PHLDA1: variants seen among roughly 807,000 people sequenced by gnomAD.
PHLDA1 encodes pleckstrin homology like domain family A member 1.
In PHLDA1, 28 loss-of-function variants were observed where a neutral mutation model predicts 33.8. The ratio of observed to expected loss-of-function variants is 0.83; its 90% CI spans 0.61 to 1.14. The LOEUF is 1.14. PHLDA1 is among the 50% of genes most tolerant of loss of function. The probability of loss-of-function intolerance (pLI) is 0.00; values close to 1 mark genes in which losing one functional copy is unlikely to be tolerated. For missense variants in PHLDA1, 595 were observed against 548.6 expected, an observed-to-expected ratio of 1.08 and a Z score of -0.84; for synonymous variants, 271 against 243.6, an observed-to-expected ratio of 1.11 and a Z score of -1.05.
At chr12:76,030,554 G>T (rs749832537) in exon 1 of PHLDA1, 2 of 1,613,876 alleles carry the variant, frequency 1.2e-6, no homozygotes, top group East Asian at 2.2e-5. Flanking sequence ...AGTTGGAGGT[G>T]CTGCGGAGAA....
At chr12:76,027,168 G>T (rs892019644) in exon 2 of PHLDA1, 1 of 152,042 alleles carries the variant, frequency 6.6e-6, no homozygotes, top group Non-Finnish European at 1.5e-5. Context: ...GATTTGTCAG[G>T]CTTCAAAATA....
exon 2 of PHLDA1, chr12:76,027,319 T>A (rs1209694302): frequency 6.6e-6 from 1 of 152,130 alleles, no homozygotes; most frequent in Non-Finnish European, 1.5e-5. Flanking sequence ...AATAATAATT[T>A]CAAAGGTGTC....
chr12:76,030,842 C>G, exon 1 of PHLDA1: 2 of 1,593,002 alleles, frequency 1.3e-6, no homozygotes, highest in African/African-American at 2.7e-5. Context: ...GGACCAGGTG[C>G]TGCTGCTTCT....
At chr12:76,026,579 T>C (rs1245566972) in exon 2 of PHLDA1, 2 of 151,956 alleles carry the variant, frequency 1.3e-5, no homozygotes, top group Non-Finnish European at 2.9e-5. Flanking sequence ...GAAACTCCTT[T>C]AAGTAATGCG....
At chr12:76,026,755 C>G (rs1870782880) in exon 2 of PHLDA1, 1 of 152,196 alleles carries the variant, frequency 6.6e-6, no homozygotes, top group Non-Finnish European at 1.5e-5. Context: ...TCTTTGACGT[C>G]AGCACTCCCC....
chr12:76,026,172 A>C (rs1870770850), exon 2 of PHLDA1: 1 of 152,178 alleles, frequency 6.6e-6, no homozygotes, highest in Admixed American at 6.5e-5. Context: ...TTTAAAATTT[A>C]CTCTGCCGAG....
chr12:76,026,839 C>A (rs1870784279), exon 2 of PHLDA1: 1 of 152,198 alleles, frequency 6.6e-6, no homozygotes, highest in Admixed American at 6.5e-5. Context: ...GATGTTTAGC[C>A]TGTCCCAGAA....
rs769404776 is a variant in PHLDA1, at chr12:76,031,100, T to G, written c.642A>C (p.Gln214His). ...GGCTGGCGACAGCGGGGCCACTGGG[T>G]TGGGACGGCTCGGCCGGCCCCTGCC... Residue 214 changes from glutamine to histidine, a missense_variant, in exon 1 of 2, where the codon CAA becomes CAC. By Grantham distance (24) the Gln-to-His change is conservative. Coordinates refer to ENST00000266671, the Ensembl canonical transcript of PHLDA1. This position sits in a 1 kb window ranked among gnomAD's most constrained non-coding sequence, Gnocchi z 5.4. The G allele has an allele frequency of 1.2e-6, 2 of 1,609,912 alleles. No individual in the cohort carries two copies. Among genetic ancestry groups the G allele is most frequent in the African/African-American group, 2.7e-5 (2 of 75,008 alleles).
exon 1 of PHLDA1, chr12:76,030,781 G>GTTGTGA: frequency 6.9e-7 from 1 of 1,451,492 alleles, no homozygotes; most frequent in Non-Finnish European, 9.5e-7. Context: ...TGAGGCTGGG[G>GTTGTGA]TTGGGGCTGG....
exon 2 of PHLDA1, chr12:76,029,500 T>C (rs1249539099): frequency 6.6e-6 from 1 of 152,274 alleles, no homozygotes; most frequent in East Asian, 1.9e-4. Context: ...TTTTAACTTT[T>C]AGCTTTTTAA....
chr12:76,031,160 C>CTGCTGCTGT lies in PHLDA1; in HGVS notation c.581_582insACAGCAGCA (p.Gln202_Gln204dup), dbSNP rs753488277. ...GTTGCTGCTGCTGCTGCTGCTGTTGCTGCTGCTGCTGCTGGTGTTGCAGCT... is the reference window on the plus strand; with the variant it reads ...GTTGCTGCTGCTGCTGCTGCTGTTGCTGCTGCTGTTGCTGCTGCTGCTGGTGTTGCAGCT... On this transcript the variant is annotated inframe_insertion, in exon 1 of 2. Transcript: ENST00000266671. This position sits in a 1 kb window ranked among gnomAD's most constrained non-coding sequence, Gnocchi z 5.4. 1.1e-4 allele frequency: 9 copies of CTGCTGCTGT among 83,572 alleles called. No individual in the cohort carries two copies. The East Asian group carries it at 0.02, about 186-fold the overall frequency. 5.2% of individuals were successfully genotyped at this position (83,572 alleles called of 1,614,324 possible). A position where few individuals can be genotyped will look rare whatever the true frequency, so the allele number is the denominator to read the frequency against.
exon 1 of PHLDA1, chr12:76,030,669 G>A: frequency 2.5e-6 from 3 of 1,179,980 alleles, no homozygotes; most frequent in Non-Finnish European, 3.7e-6. Context: ...ATGAGAGTGT[G>A]GATGTGGATG....
At chr12:76,030,221 T>C in intron 1 of PHLDA1, 129 bp from the exon 2 acceptor site, 1 of 453,518 alleles carries the variant, frequency 2.2e-6, no homozygotes, top group Non-Finnish European at 4.0e-6. Context: ...TGCCCAAACA[T>C]ATAGTCAAGT....
At chr12:76,030,295 G>C (rs942432534) in intron 1 of PHLDA1, among the ~76,000 whole-genome samples, 2 of 152,180 alleles carry the variant, frequency 1.3e-5, no homozygotes, top group African/African-American at 4.8e-5. Flanking sequence ...GGCGCGGTCC[G>C]CGAGGCCCCC....
In PHLDA1 at chr12:76,030,676, G is replaced by C; in HGVS notation, c.1066C>G (p.Pro356Ala). 2 of 1,212,746 alleles carry C rather than the reference G, an allele frequency of 1.6e-6. No homozygotes were observed. The highest frequency in any genetic ancestry group is 2.4e-6 in the Non-Finnish European group (2 of 830,298). The allele number at this position is 1,212,746 out of a possible 1,614,324, so 75.1% of individuals were successfully genotyped here. ...GAGTGAGGATGAGAGTGTGGATGTGGATGTGGATGCGGATACGGGTGGAGC... is the reference window on the plus strand; with the variant it reads ...GAGTGAGGATGAGAGTGTGGATGTGCATGTGGATGCGGATACGGGTGGAGC... The change falls in exon 1 of 2, where the codon CCA (proline) becomes GCA (alanine). Residue 356 changes from proline (P) to alanine (A), a missense_variant. By Grantham distance (27) the Pro-to-Ala change is conservative. Transcript: ENST00000266671.
At chr12:76,025,695 TTA>T (rs1464877894) in exon 2 of PHLDA1, 34 of 152,166 alleles carry the variant, frequency 2.2e-4, no homozygotes, top group Non-Finnish European at 3.8e-4. Context: ...GACAATAGTT[TTA>T]TGTTTCTTCT....
chr12:76,030,002 G>C (rs1161400569), exon 2 of PHLDA1: 1 of 156,240 alleles, frequency 6.4e-6, no homozygotes, highest in Non-Finnish European at 1.4e-5. Context: ...CAAACTACTT[G>C]ATCTGGTGCG....
In PHLDA1 at chr12:76,030,907, G is replaced by T. The variant is rs911469533; in HGVS notation, c.835C>A (p.Gln279Lys). Residue 279 changes from glutamine (Q) to lysine (K), a missense_variant, in exon 1 of 2, where the codon CAG becomes AAG. Physicochemically the swap from Gln to Lys is moderately conservative, Grantham distance 53. This residue lies in a region of PHLDA1 where 328 missense variants were observed against 295.7 expected (regional missense o/e 1.11). Transcript: ENST00000266671. ...TGACGATTCTTGTACTGCACCATCTGCAGCGTGATCTCGGCGTTCCAGCCC... is the reference window on the plus strand; with the variant it reads ...TGACGATTCTTGTACTGCACCATCTTCAGCGTGATCTCGGCGTTCCAGCCC... 10 of 1,613,698 alleles carry T rather than the reference G, an allele frequency of 6.2e-6. No individual in the cohort carries two copies. The highest frequency in any genetic ancestry group is 3.3e-5 in the Admixed American group (2 of 59,982).
At chr12:76,025,477 A>C (rs1266277971) in exon 2 of PHLDA1, 2 of 152,206 alleles carry the variant, frequency 1.3e-5, no homozygotes, top group African/African-American at 2.4e-5. Flanking sequence ...CTTTATTTGA[A>C]ATGAAATGCA....
Sources: allele counts gnomAD v4.1 joint callset (sites outside exome capture counted in the v4.1 genomes callset), GRCh38; gene constraint gnomAD v4.1.1; regional missense constraint gnomAD v4.1.1; non-coding constraint Gnocchi (gnomAD v3.1); transcripts MANE v1.5; gene names NCBI Gene and HGNC (gene_info 2026-07-23, HGNC 2026-07-21).